Variants in DST observed in about 807,000 individuals in gnomAD.
DST encodes dystonin.
Under a neutral mutation model 875.2 loss-of-function variants are expected in DST, and 253 were observed. The ratio of observed to expected loss-of-function variants is 0.29; its 90% CI spans 0.26 to 0.32. DST has a LOEUF of 0.32. DST is among the 10% of genes least tolerant of loss of function. The pLI is 1.00. For synonymous variants in DST, 3,124 were observed against 3,197.1 expected (o/e 0.98, Z 0.77); for missense variants, 8,287 against 9,111.6 (o/e 0.91, Z 3.68).
chr6:56,736,172 G>T (rs529054128), intron 4 of DST, among the ~76,000 whole-genome samples: 1 of 152,112 alleles, frequency 6.6e-6, no homozygotes, highest in African/African-American at 2.4e-5. Context: ...TTACAGACGT[G>T]AGCCACCATG....
intron 10 of DST, among the ~76,000 whole-genome samples, chr6:56,661,672 C>T (rs1236181220): frequency 2.0e-5 from 3 of 151,904 alleles, no homozygotes; most frequent in Non-Finnish European, 4.4e-5. Context: ...CTGCAACCTC[C>T]GCCTCCCAGG....
intron 10 of DST, among the ~76,000 whole-genome samples, chr6:56,664,666 G>T (rs992725134): frequency 1.3e-5 from 2 of 152,064 alleles, no homozygotes; most frequent in Non-Finnish European, 2.9e-5. Context: ...ATCAAATCCA[G>T]TATTCTTTGT....
chr6:56,459,272 G>A lies in DST; in HGVS notation c.23195-5C>T. 1.2e-6 allele frequency: 2 copies of A among 1,610,832 alleles called. No individual in the cohort carries two copies. Among genetic ancestry groups the A allele is most frequent in the Non-Finnish European group, 1.7e-6 (2 of 1,178,288 alleles). ...GGCTGGGAGTCTTCTTGGAATCTGA[G>A]GAAAGAAGGTAGAGACAGCTCACCC... is the stretch of plus-strand genomic sequence containing the variant. On this transcript the variant is annotated splice_polypyrimidine_tract_variant and splice_region_variant and intron_variant, in intron 103 of 103. Coordinates refer to ENST00000680361, the MANE Select transcript of DST (RefSeq NM_001374736.1).
chr6:56,766,659 T>C (rs894471547), intron 4 of DST, among the ~76,000 whole-genome samples: 2 of 152,100 alleles, frequency 1.3e-5, no homozygotes, highest in Admixed American at 6.5e-5. Flanking sequence ...GCTTCCCAAG[T>C]AGCTGGGATT....
At chr6:56,566,017 A>C (rs2097670429) in intron 55 of DST, among the ~76,000 whole-genome samples, 1 of 152,134 alleles carries the variant, frequency 6.6e-6, no homozygotes, top group African/African-American at 2.4e-5. Flanking sequence ...CACCTACTCA[A>C]GCCTCAGTAA....
intron 2 of DST, among the ~76,000 whole-genome samples, chr6:56,913,099 A>G (rs1054132977): frequency 5.3e-5 from 8 of 152,220 alleles, no homozygotes; most frequent in Non-Finnish European, 1.0e-4. Flanking sequence ...CTTATTACAT[A>G]GCCAAACAGA....
At chr6:56,566,626 T>C (rs34237663) in intron 55 of DST, among the ~76,000 whole-genome samples, 43,177 of 152,144 alleles carry the variant, frequency 0.28, 7,494 homozygotes, top group Middle Eastern at 0.4. Flanking sequence ...AGCTGCAGAC[T>C]GGAGCTGTTC....
At chr6:56,692,425 C>A in intron 9 of DST, 1 of 1,288,510 alleles carries the variant, frequency 7.8e-7, no homozygotes, top group Non-Finnish European at 1.0e-6. Flanking sequence ...AGAGGACATA[C>A]TAGTATAAAG....
At position 56,630,331 on chromosome 6, in the gene DST, C is replaced by G. The variant is rs369090082; in HGVS notation, c.4195G>C (p.Val1399Leu). The change falls in exon 31 of 104, where the codon GTA (valine) becomes CTA (leucine). Residue 1399 changes from valine to leucine, a missense_variant. Physicochemically the swap from Val to Leu is conservative, Grantham distance 32. This residue lies in a region of DST where 3,138 missense variants were observed against 3,116.6 expected (regional missense o/e 1.01). Transcript: ENST00000680361. ...CACAGTTTAGTTTCATAGAGTTTTA[C>G]GAGGGCTTCTGCAGCTTGAGTGTTT... ...LKNTQAAEAL[V>L]KLYETKLCEE... 6.2e-7 allele frequency: 1 copy of G among 1,612,786 alleles called. No homozygotes were observed. Among genetic ancestry groups the G allele is most frequent in the Admixed American group, 1.7e-5 (1 of 60,008 alleles).
At position 56,560,432 on chromosome 6, in the gene DST, G is replaced by T; in HGVS notation, c.14311-9C>A. On this transcript the variant is annotated splice_polypyrimidine_tract_variant and intron_variant, in intron 57 of 103. Coordinates refer to ENST00000680361, the MANE Select transcript of DST (RefSeq NM_001374736.1). Reference sequence around the variant, plus strand: ...AGTTCTGCCTCAAACGACTAACAAGGGAAAAATAATAATAAATCATGTGTA... The same window carrying T: ...AGTTCTGCCTCAAACGACTAACAAGTGAAAAATAATAATAAATCATGTGTA... The T allele has an allele frequency of 6.3e-7, 1 of 1,580,096 alleles. No individual in the cohort carries two copies. Among genetic ancestry groups the T allele is most frequent in the Non-Finnish European group, 8.6e-7 (1 of 1,160,714 alleles).
At chr6:56,546,353 T>TATATATATATATATATATTTC (rs2097221856) in intron 61 of DST, among the ~76,000 whole-genome samples, 8 of 35,762 alleles carry the variant, frequency 2.2e-4, no homozygotes, top group African/African-American at 1.6e-3. Flanking sequence ...ATTTCATATA[T>TATATATATATATATATATTTC]ATATATATAT....
intron 92 of DST, 56 bp from the exon 93 acceptor site, chr6:56,474,058 T>C: frequency 9.6e-6 from 14 of 1,463,102 alleles, no homozygotes; most frequent in Non-Finnish European, 1.3e-5. Flanking sequence ...AAACCGTCTT[T>C]AGAAATGAAC....
chr6:56,574,336 T>A (rs865980568), intron 50 of DST, among the ~76,000 whole-genome samples: 1 of 152,172 alleles, frequency 6.6e-6, no homozygotes, highest in African/African-American at 2.4e-5. Context: ...GTTACAAAGA[T>A]TTCTGAAGAA....
chr6:56,617,375 GT>G (rs2098638149), intron 36 of DST: 4 of 1,613,708 alleles, frequency 2.5e-6, no homozygotes, highest in Non-Finnish European at 3.4e-6. Flanking sequence ...TTGTTTTAAT[GT>G]TGTGACTTCT....
chr6:56,954,284 C>A, intron 1 of DST, 123 bp downstream of exon 1: 1 of 641,278 alleles, frequency 1.6e-6, no homozygotes, highest in Non-Finnish European at 2.4e-6. Flanking sequence ...CGCACTCAGC[C>A]TGGGGAGTGG....
rs1355463553 is a variant in DST, at chr6:56,615,803, C to T, written c.4930-1319G>A. 17 of 1,614,168 alleles carry T rather than the reference C, an allele frequency of 1.1e-5. No homozygotes were observed. Among genetic ancestry groups the T allele is most frequent in the Non-Finnish European group, 1.4e-5 (17 of 1,180,032 alleles). On this transcript the variant is annotated intron_variant, in intron 36 of 103. Coordinates refer to ENST00000680361, the MANE Select transcript of DST (RefSeq NM_001374736.1). ...TCCTGTCAAGTACTGAAATTCCAAA[C>T]ATCGGATTCCCATTTCCTTATTTAT...
In DST at chr6:56,592,214, T is replaced by G. The variant is rs754447113; in HGVS notation, c.12871A>C (p.Lys4291Gln). ...HLSEPIAVDP[K>Q]NLQRQLEETK... ...TCTTCTAATTGCCTTTGAAGATTTT[T>G]GGGGTCCACCGCAATAGGTTCAGAT... The change falls in exon 49 of 104, where the codon AAA becomes CAA. Residue 4291 changes from lysine to glutamine, a missense_variant. Physicochemically the swap from Lys to Gln is moderately conservative, Grantham distance 53 (BLOSUM62 1). Around this residue, in one of 10 missense-constraint regions of DST, gnomAD observed 1,513 missense variants for 1,677.8 expected, o/e 0.90. Transcript: ENST00000680361. The G allele has an allele frequency of 1.9e-5, 30 of 1,613,526 alleles. No homozygotes were observed. In the Admixed American group the frequency reaches 4.0e-4, roughly 22 times the overall value.
At chr6:56,862,136 T>TTA (rs1562213026) in intron 3 of DST, among the ~76,000 whole-genome samples, 1 of 152,140 alleles carries the variant, frequency 6.6e-6, no homozygotes, top group Non-Finnish European at 1.5e-5. Context: ...AAGAAAGCTC[T>TTA]GCCACAACCA....
intron 2 of DST, among the ~76,000 whole-genome samples, chr6:56,910,176 T>C (rs1428913209): frequency 6.6e-6 from 1 of 152,246 alleles, no homozygotes; most frequent in Non-Finnish European, 1.5e-5. Context: ...TTTTATTTAT[T>C]ATTTTATAGA....
Sources: gnomAD v4.1 joint callset for allele counts (sites outside exome capture counted in the v4.1 genomes callset) on GRCh38, gnomAD v4.1.1 for gene constraint, gnomAD v4.1.1 regional missense constraint, MANE v1.5 for transcripts, NCBI Gene and HGNC (gene_info 2026-07-23, HGNC 2026-07-21) for gene names.